Variants in MRPS28 observed in about 807,000 individuals in gnomAD.
The protein encoded by MRPS28 is small ribosomal subunit protein bS1m.
Under a neutral mutation model 10.8 loss-of-function variants are expected in MRPS28, and 7 were observed. That is an observed-to-expected ratio of 0.65 (90% CI 0.37 to 1.22). The LOEUF is 1.22. Ranked by LOEUF, MRPS28 falls within the 50% of genes most tolerant of loss-of-function variation. MRPS28 has a pLI of 0.02. For missense variants in MRPS28, 265 were observed against 232.9 expected (o/e 1.14, Z -0.90); for synonymous variants, 121 against 93.3 (o/e 1.30, Z -1.71).
At chr8:79,959,520 A>G (rs1452780609) in intron 2 of MRPS28, among the ~76,000 whole-genome samples, 1 of 152,146 alleles carries the variant, frequency 6.6e-6, no homozygotes, top group Non-Finnish European at 1.5e-5. Context: ...GAACGGTACA[A>G]CTTTAAATGA....
chr8:80,029,668 G>A (rs1027772812), intron 1 of MRPS28: 6 of 1,240,870 alleles, frequency 4.8e-6, no homozygotes, highest in Middle Eastern at 4.3e-4. Context: ...ACAAGACCCA[G>A]CAGAGCCCTG....
At chr8:80,023,938 G>A (rs958608078) in intron 1 of MRPS28, among the ~76,000 whole-genome samples, 1 of 152,164 alleles carries the variant, frequency 6.6e-6, no homozygotes, top group Non-Finnish European at 1.5e-5. Context: ...TTATAAAAAT[G>A]AATGGGACGG....
At chr8:79,960,744 A>C (rs1403468822) in intron 2 of MRPS28, among the ~76,000 whole-genome samples, 4 of 152,150 alleles carry the variant, frequency 2.6e-5, no homozygotes, top group Admixed American at 2.0e-4. Context: ...GAAAACAAGT[A>C]TTTAGATCAC....
chr8:79,998,646 G>A (rs1255368382), intron 2 of MRPS28, among the ~76,000 whole-genome samples: 1 of 152,154 alleles, frequency 6.6e-6, no homozygotes, highest in East Asian at 1.9e-4. Context: ...ACAGATAAAT[G>A]CAGGGCTGCT....
rs1372322234 is a variant in MRPS28, at chr8:79,931,499, G to A, written c.396-12351C>T. Among the ~76,000 whole-genome samples, 3 of 152,190 alleles carry A rather than the reference G, an allele frequency of 2.0e-5. No individual in the cohort carries two copies. The East Asian group carries it at 5.8e-4, about 29-fold the overall frequency. The stretch of plus-strand genomic sequence containing the variant: ...ACAGTGTTTAAGAACACTCCTTGTA[G>A]GTGAACAACTCTATGATCATTATGT... On this transcript the variant is annotated intron_variant, in intron 2 of 2. Coordinates refer to ENST00000276585, the MANE Select transcript of MRPS28 (RefSeq NM_014018.3).
chr8:80,010,462 G>A (rs1809007634), intron 1 of MRPS28, among the ~76,000 whole-genome samples: 1 of 152,186 alleles, frequency 6.6e-6, no homozygotes, highest in African/African-American at 2.4e-5. Flanking sequence ...TCAAATGCCA[G>A]GCCAGGTGAG....
chr8:79,950,700 G>A (rs1807057883), intron 2 of MRPS28, among the ~76,000 whole-genome samples: 1 of 152,190 alleles, frequency 6.6e-6, no homozygotes, highest in African/African-American at 2.4e-5. Context: ...GTAAAACTTT[G>A]AGTTTCAGAG....
At chr8:79,964,470 A>C (rs1466614681) in intron 2 of MRPS28, among the ~76,000 whole-genome samples, 3 of 152,120 alleles carry the variant, frequency 2.0e-5, no homozygotes, top group Non-Finnish European at 4.4e-5. Flanking sequence ...TCAATTGCTA[A>C]ATGAAATGTC....
intron 2 of MRPS28, among the ~76,000 whole-genome samples, chr8:79,937,268 A>C (rs1364073568): frequency 6.6e-6 from 1 of 152,264 alleles, no homozygotes; most frequent in Non-Finnish European, 1.5e-5. Flanking sequence ...ATTTCTTCTC[A>C]AAAGTTACAT....
At chr8:79,928,271 T>C (rs574177182) in intron 2 of MRPS28, among the ~76,000 whole-genome samples, 182 of 152,070 alleles carry the variant, frequency 1.2e-3, no homozygotes, top group Middle Eastern at 0.01. Flanking sequence ...TTCAAGTCTG[T>C]GGTGAGCCAT....
chr8:79,975,561 G>A (rs1307531968), intron 2 of MRPS28, among the ~76,000 whole-genome samples: 1 of 151,918 alleles, frequency 6.6e-6, no homozygotes, highest in African/African-American at 2.4e-5. Context: ...AAATACAAAA[G>A]ACTAATGAGC....
chr8:80,002,420 C>T (rs908675267), intron 2 of MRPS28, among the ~76,000 whole-genome samples: 1 of 152,086 alleles, frequency 6.6e-6, no homozygotes, highest in Non-Finnish European at 1.5e-5. Flanking sequence ...TCACTTCTAT[C>T]TCGTTTACTA....
chr8:79,937,338 A>T (rs1203216529), intron 2 of MRPS28, among the ~76,000 whole-genome samples: 1 of 152,218 alleles, frequency 6.6e-6, no homozygotes, highest in Non-Finnish European at 1.5e-5. Context: ...ATTTTACCAA[A>T]AAACTGTAAT....
At position 79,995,585 on chromosome 8, in the gene MRPS28, C is replaced by T. The variant is rs528434737; in HGVS notation, c.395+7414G>A. ...AACACTGTTCTGATATGTGACAATC[C>T]CTATCAAGGGCATCAGTGAACAGGG... On this transcript the variant is annotated intron_variant, in intron 2 of 2. Coordinates refer to ENST00000276585, the MANE Select transcript of MRPS28 (RefSeq NM_014018.3). Among the ~76,000 whole-genome samples, 10 of 152,232 alleles carry T rather than the reference C, an allele frequency of 6.6e-5. No individual in the cohort carries two copies. In the South Asian group the frequency reaches 2.1e-3, roughly 32 times the overall value.
At chr8:79,933,651 A>G (rs1806528023) in intron 2 of MRPS28, among the ~76,000 whole-genome samples, 1 of 152,232 alleles carries the variant, frequency 6.6e-6, no homozygotes, top group Admixed American at 6.5e-5. Flanking sequence ...AGCAGGAAAG[A>G]CAACCATGAT....
intron 2 of MRPS28, among the ~76,000 whole-genome samples, chr8:79,940,708 A>G (rs1263934232): frequency 6.6e-6 from 1 of 152,220 alleles, no homozygotes; most frequent in Non-Finnish European, 1.5e-5. Flanking sequence ...TTTCCAAACA[A>G]TGCATCATCT....
intron 2 of MRPS28, among the ~76,000 whole-genome samples, chr8:79,928,802 T>TG (rs1806374567): frequency 0.027 from 14 of 512 alleles, no homozygotes; most frequent in Admixed American, 0.059. Context: ...ATCCCAGCAC[T>TG]TTGGAGCTGA....
intron 2 of MRPS28, among the ~76,000 whole-genome samples, chr8:79,927,642 C>CCCTCT (rs2129875580): frequency 6.6e-6 from 1 of 152,176 alleles, no homozygotes; most frequent in South Asian, 2.1e-4. Context: ...ACAGACTATC[C>CCCTCT]CCTCTCCTCT....
Position 80,018,512 on chromosome 8 carries a change from G to C in MRPS28, c.213+11524C>G, listed in dbSNP as rs141157988. 5.1e-3 allele frequency among the ~76,000 whole-genome samples: 774 copies of C among 152,226 alleles called. 9 individuals carry two copies. The highest frequency in any genetic ancestry group is 8.0e-3 in the Non-Finnish European group (545 of 68,016). On this transcript the variant is annotated intron_variant, in intron 1 of 2. Coordinates refer to ENST00000276585, the MANE Select transcript of MRPS28 (RefSeq NM_014018.3). ...CATGCTGATGAGGATGTGGAGAAAA[G>C]GGAACCATCATATACTGTTAGCGGG...
Sources: gnomAD v4.1 joint callset for allele counts (sites outside exome capture counted in the v4.1 genomes callset) on GRCh38, gnomAD v4.1.1 for gene constraint, MANE v1.5 for transcripts, NCBI Gene and HGNC (gene_info 2026-07-23, HGNC 2026-07-21) for gene names.